NAV2: variants seen among roughly 807,000 people sequenced by gnomAD.
NAV2 encodes neuron navigator 2.
Under a neutral mutation model 223.2 loss-of-function variants are expected in NAV2, and 54 were observed. That is an observed-to-expected ratio of 0.24 (90% confidence interval 0.19 to 0.30). The LOEUF is 0.30. Ranked by LOEUF, NAV2 falls within the 10% of genes least tolerant of loss-of-function variation. The pLI is 1.00. For synonymous variants in NAV2, 1,279 were observed against 1,239.3 expected (o/e 1.03, Z -0.67); for missense variants, 2,806 against 3,147.5 (o/e 0.89, Z 2.60).
intron 5 of NAV2, among the ~76,000 whole-genome samples, chr11:19,883,108 C>G (rs572371265): frequency 3.3e-5 from 5 of 152,192 alleles, no homozygotes; most frequent in African/African-American, 4.8e-5. Flanking sequence ...TGCAAACCCC[C>G]CACATGCCAG....
intron 1 of NAV2, among the ~76,000 whole-genome samples, chr11:19,418,208 C>G (rs1165801791): frequency 1.3e-5 from 2 of 152,208 alleles, no homozygotes; most frequent in Non-Finnish European, 2.9e-5. Context: ...ACTCAATCAA[C>G]CTCTCAATCT....
At chr11:19,513,634 T>A (rs1380850334) in intron 1 of NAV2, among the ~76,000 whole-genome samples, 1 of 152,214 alleles carries the variant, frequency 6.6e-6, no homozygotes, top group African/African-American at 2.4e-5. Flanking sequence ...GTGGGCCAAC[T>A]ATTATGGGTT....
intron 2 of NAV2, among the ~76,000 whole-genome samples, chr11:19,836,542 C>T (rs942771135): frequency 6.4e-5 from 9 of 140,952 alleles, no homozygotes; most frequent in African/African-American, 1.9e-4. Context: ...CCGGCCTGGG[C>T]GACAGAGCGA....
In NAV2 at chr11:19,759,637, C is replaced by G. The variant is rs540196626; in HGVS notation, c.267+45675C>G. On this transcript the variant is annotated intron_variant, in intron 1 of 37. Transcript: ENST00000349880. ...GTGCTGGGTACTCCTGGGGTTGGCT[C>G]CCACATCAGGTACTACTTACTAGCT... is the stretch of plus-strand genomic sequence containing the variant. 6.6e-5 allele frequency among the ~76,000 whole-genome samples: 10 copies of G among 152,244 alleles called. No individual in the cohort carries two copies. In the East Asian group the frequency reaches 1.9e-3, roughly 29 times the overall value.
In NAV2 at chr11:19,989,584, G is replaced by A. The variant is rs76596538; in HGVS notation, c.2768+5337G>A. Among the ~76,000 whole-genome samples, 628 of 152,252 alleles carry A rather than the reference G, an allele frequency of 4.1e-3. 4 individuals are homozygous for A. The highest frequency in any genetic ancestry group is 0.014 in the African/African-American group (601 of 41,548). ...AGAAAACTGACATAAACTTATGTCA[G>A]CAATAGAAAACGAATATAAACTTAT... On this transcript the variant is annotated intron_variant, in intron 11 of 37. Transcript: ENST00000349880.
chr11:19,968,725 A>G (rs1196114191), intron 10 of NAV2, among the ~76,000 whole-genome samples: 1 of 152,242 alleles, frequency 6.6e-6, no homozygotes, highest in Non-Finnish European at 1.5e-5. Context: ...TCTGTGTAGC[A>G]GTATCAGTCA....
intron 1 of NAV2, among the ~76,000 whole-genome samples, chr11:19,597,137 G>C (rs914383685): frequency 2.6e-5 from 4 of 152,162 alleles, no homozygotes; most frequent in African/African-American, 4.8e-5. Context: ...TTGTCTCTCT[G>C]AGCCAAGTTT....
chr11:19,382,694 G>C (rs547733419), intron 1 of NAV2, among the ~76,000 whole-genome samples: 1 of 152,206 alleles, frequency 6.6e-6, no homozygotes, highest in Non-Finnish European at 1.5e-5. Context: ...GTCAGACATT[G>C]TTCTAAGTGC....
intron 1 of NAV2, among the ~76,000 whole-genome samples, chr11:19,559,943 A>T (rs2045039843): frequency 6.6e-6 from 1 of 152,108 alleles, no homozygotes; most frequent in Admixed American, 6.5e-5. Flanking sequence ...TGCCTGGTGT[A>T]CCTGGAATCC....
intron 11 of NAV2, among the ~76,000 whole-genome samples, chr11:20,031,404 T>G (rs2055718182): frequency 6.6e-6 from 1 of 152,226 alleles, no homozygotes; most frequent in Admixed American, 6.5e-5. Context: ...CCTGAGTGAA[T>G]TCTGCATGCT....
At chr11:20,023,156 T>C (rs769467503) in intron 11 of NAV2, 25 of 1,550,638 alleles carry the variant, frequency 1.6e-5, no homozygotes, top group Non-Finnish European at 2.1e-5. Flanking sequence ...CTAAAATTTC[T>C]GGGGCCAGGG....
At chr11:20,028,943 C>T (rs1378149001) in intron 11 of NAV2, among the ~76,000 whole-genome samples, 2 of 152,122 alleles carry the variant, frequency 1.3e-5, no homozygotes, top group Non-Finnish European at 2.9e-5. Context: ...CTGAAAGGCT[C>T]CCATGGGGAT....
At chr11:19,675,059 C>T (rs1472690658) in intron 1 of NAV2, among the ~76,000 whole-genome samples, 6 of 152,176 alleles carry the variant, frequency 3.9e-5, no homozygotes, top group Non-Finnish European at 7.3e-5. Context: ...CTCATGGCCA[C>T]ATCCTTCATG....
chr11:19,622,493 C>T (rs555554304), intron 1 of NAV2, among the ~76,000 whole-genome samples: 2 of 152,236 alleles, frequency 1.3e-5, no homozygotes, highest in East Asian at 3.9e-4. Context: ...TTGAATTGAT[C>T]CCTTTACCAT....
At chr11:19,619,341 T>C (rs545112866) in intron 1 of NAV2, among the ~76,000 whole-genome samples, 4 of 152,284 alleles carry the variant, frequency 2.6e-5, no homozygotes, top group African/African-American at 9.6e-5. Flanking sequence ...CCACACTGAC[T>C]TCCACAATGG....
intron 1 of NAV2, among the ~76,000 whole-genome samples, chr11:19,741,417 TTCCCCCACTTCCC>T (rs1367194533): frequency 7.9e-5 from 12 of 151,650 alleles, no homozygotes; most frequent in Admixed American, 3.3e-4. Flanking sequence ...TCCCCATTCT[TTCCCCCACTTCCC>T]TCCCCCACTT....
At chr11:19,582,857 C>A (rs919137245) in intron 1 of NAV2, among the ~76,000 whole-genome samples, 4 of 152,040 alleles carry the variant, frequency 2.6e-5, no homozygotes, top group Non-Finnish European at 4.4e-5. Flanking sequence ...CTTGGCAATG[C>A]GGGCTCTTTT....
intron 1 of NAV2, among the ~76,000 whole-genome samples, chr11:19,521,056 C>T (rs1185353417): frequency 6.6e-6 from 1 of 152,204 alleles, no homozygotes. Flanking sequence ...CCCTGCAAGC[C>T]TGCATTTGGG....
At chr11:19,362,523 C>A (rs567336993) in intron 1 of NAV2, among the ~76,000 whole-genome samples, 1 of 152,086 alleles carries the variant, frequency 6.6e-6, no homozygotes, top group Non-Finnish European at 1.5e-5. Flanking sequence ...ATGTTGTATA[C>A]CACCAGGAGT....
Sources: allele counts gnomAD v4.1 joint callset (sites outside exome capture counted in the v4.1 genomes callset), GRCh38; gene constraint gnomAD v4.1.1; transcripts MANE v1.5; gene names NCBI Gene and HGNC (gene_info 2026-07-23, HGNC 2026-07-21).